The following FPGS variants were observed in gnomAD, a reference collection of about 807,000 sequenced individuals.
FPGS encodes the protein folylpolyglutamate synthase, also known as folylpolyglutamate synthase, mitochondrial.
FPGS carries 53 observed loss-of-function variants against 66.5 expected under a neutral mutation model. That is an observed-to-expected ratio of 0.80 (90% CI 0.64 to 1.00). The LOEUF (loss-of-function observed/expected upper bound fraction) is 1.00, where lower values mean the gene tolerates loss of function less well. Among genes scored for constraint, FPGS ranks in the 50% least tolerant of loss-of-function variants. The probability of loss-of-function intolerance (pLI) is 0.00; values close to 1 mark genes in which losing one functional copy is unlikely to be tolerated. For missense variants in FPGS, 702 were observed against 807.7 expected (o/e 0.87, Z 1.59); for synonymous variants, 348 against 350.9 (o/e 0.99, Z 0.09).
At chr9:127,805,232 T>A (rs371732450) in intron 4 of FPGS, among the ~76,000 whole-genome samples, 26 of 152,114 alleles carry the variant, frequency 1.7e-4, no homozygotes, top group African/African-American at 5.8e-4. Flanking sequence ...GGGCAGCAAC[T>A]TTAATGTATA....
Position 127,807,711 on chromosome 9 carries a change from G to A in FPGS, c.744+23G>A. 1 of 1,497,560 alleles carries A rather than the reference G, an allele frequency of 6.7e-7. No individual in the cohort carries two copies. The highest frequency in any genetic ancestry group is 9.1e-7 in the Non-Finnish European group (1 of 1,100,286). The allele number at this position is 1,497,560 out of a possible 1,614,324, so 92.8% of individuals were successfully genotyped here. A position where few individuals can be genotyped will look rare whatever the true frequency, so the allele number is the denominator to read the frequency against. The stretch of plus-strand genomic sequence containing the variant: ...AAGGTGACCAGGCAGACTGGGGGAA[G>A]GGAGAGACATGGAAGGCCTGGGAGT... On this transcript the variant is annotated intron_variant, in intron 8 of 14. Transcript: ENST00000373247. This position sits in a 1 kb window ranked among gnomAD's most constrained non-coding sequence, Gnocchi z 5.8.
Position 127,810,986 on chromosome 9 carries a change from A to T in FPGS, c.1329A>T (p.Thr443=). The T allele has an allele frequency of 6.3e-7, 1 of 1,590,772 alleles. No homozygotes were observed. Among genetic ancestry groups the T allele is most frequent in the Admixed American group, 1.7e-5 (1 of 58,266 alleles). The change falls in exon 14 of 15, where the codon ACA becomes ACT. Residue 443 remains threonine, a synonymous_variant. Transcript: ENST00000373247. ...FDYAVFCPNL[T]EVSSTGNADQ... ...ATGCCGTCTTCTGCCCTAACCTGACAGAGGTGTCATCCACAGGCAACGCAG... is the reference window on the plus strand; with the variant it reads ...ATGCCGTCTTCTGCCCTAACCTGACTGAGGTGTCATCCACAGGCAACGCAG...
rs551865242 is a variant in FPGS at position 127,811,134 on chromosome 9, G to A, written c.1354+123G>A. 1.1e-5 allele frequency: 6 copies of A among 522,880 alleles called. No individual in the cohort carries two copies. In the Admixed American group the frequency reaches 1.3e-4, roughly 11 times the overall value. 32.4% of individuals were successfully genotyped at this position (522,880 alleles called of 1,614,324 possible). On this transcript the variant is annotated intron_variant, in intron 14 of 14. Transcript: ENST00000373247. ...TGTTTTACTGTGTAAGAACACTTTA[G>A]TGTACTTATACTCTTTTATACACCA... is the stretch of plus-strand genomic sequence containing the variant.
chr9:127,811,556 G>T (rs906154351), intron 14 of FPGS, among the ~76,000 whole-genome samples: 1 of 152,112 alleles, frequency 6.6e-6, no homozygotes, highest in Non-Finnish European at 1.5e-5. Flanking sequence ...CACAATCTCA[G>T]CTCACTGCAA....
Position 127,807,735 on chromosome 9 carries a change from G to A in FPGS, c.744+47G>A, listed in dbSNP as rs773329644. On this transcript the variant is annotated intron_variant, in intron 8 of 14. Transcript: ENST00000373247. This position sits in a 1 kb window ranked among gnomAD's most constrained non-coding sequence, Gnocchi z 5.8. The stretch of plus-strand genomic sequence containing the variant: ...AGGGAGAGACATGGAAGGCCTGGGA[G>A]TCTACGTTTTCATCCTGGCTTCACT... The A allele has an allele frequency of 1.6e-6, 2 of 1,263,842 alleles. No homozygotes were observed. The highest frequency in any genetic ancestry group is 1.1e-6 in the Non-Finnish European group (1 of 903,076). 78.3% of individuals were successfully genotyped at this position (1,263,842 alleles called of 1,614,324 possible).
In FPGS at chr9:127,813,644, C is replaced by G. The variant is rs917748049; in HGVS notation, c.*40C>G. Reference sequence around the variant, plus strand: ...TGGAGGTGGGAGCTTCCCACACCTGCCTGCGTTCTCCCCATGAACTTACAT... The same window carrying G: ...TGGAGGTGGGAGCTTCCCACACCTGGCTGCGTTCTCCCCATGAACTTACAT... On this transcript the variant is annotated 3_prime_UTR_variant, in exon 15 of 15. Transcript: ENST00000373247. 1.3e-6 allele frequency: 2 copies of G among 1,495,826 alleles called. No individual in the cohort carries two copies. The highest frequency in any genetic ancestry group is 1.4e-5 in the South Asian group (1 of 72,172). The allele number at this position is 1,495,826 out of a possible 1,614,324, so 92.7% of individuals were successfully genotyped here. A position where few individuals can be genotyped will look rare whatever the true frequency, so the allele number is the denominator to read the frequency against.
At chr9:127,804,889 A>C in intron 4 of FPGS, 189 bp downstream of exon 4, 1 of 575,154 alleles carries the variant, frequency 1.7e-6, no homozygotes, top group Non-Finnish European at 3.0e-6. Context: ...GGCAACCTTT[A>C]ATTTTTTTTT....
In FPGS at chr9:127,807,391, T is replaced by C. The variant is rs1829857190; in HGVS notation, c.580-30T>C. ...CATGCGGCCTCTGGGCACCCTCATA[T>C]CCCCTGCCATGCCCTCTGGTCTTTG... On this transcript the variant is annotated intron_variant, in intron 6 of 14. Transcript: ENST00000373247. The surrounding 1 kb of genome is among the most constrained non-coding windows in gnomAD (Gnocchi z 5.8). 6.2e-7 allele frequency: 1 copy of C among 1,613,022 alleles called. No homozygotes were observed. Among genetic ancestry groups the C allele is most frequent in the Non-Finnish European group, 8.5e-7 (1 of 1,179,394 alleles).
rs1317942558 is a variant in FPGS, at chr9:127,809,685, G to A, written c.1062G>A (p.Gly354=). Residue 354 remains glycine, a splice_region_variant and synonymous_variant, in exon 12 of 15, where the codon GGG becomes GGA. Coordinates refer to ENST00000373247, the MANE Select transcript of FPGS (RefSeq NM_004957.6). ...GACTGCCTTGCTGCCCTCCCCCAGG[G>A]CTTCGGAACACGGAGTGGCCGGGCC... ...VFQPTSHMRL[G]LRNTEWPGRT... The A allele has an allele frequency of 6.3e-7, 1 of 1,587,210 alleles. No individual in the cohort carries two copies.
rs995931728 is a variant in FPGS at position 127,811,452 on chromosome 9, A to G, written c.1354+441A>G. Among the ~76,000 whole-genome samples, 6 of 151,814 alleles carry G rather than the reference A, an allele frequency of 4.0e-5. No homozygotes were observed. The East Asian group carries it at 1.2e-3, about 30-fold the overall frequency. The stretch of plus-strand genomic sequence containing the variant: ...AGCCGAGATCGCGCCACTGCACTCT[A>G]GGTCTGGGCGACAGAGCGAGACTGT... On this transcript the variant is annotated intron_variant, in intron 14 of 14. Coordinates refer to ENST00000373247, the MANE Select transcript of FPGS (RefSeq NM_004957.6).
At chr9:127,803,981 G>A (rs982884605) in intron 1 of FPGS, among the ~76,000 whole-genome samples, 2 of 152,238 alleles carry the variant, frequency 1.3e-5, no homozygotes, top group Non-Finnish European at 2.9e-5. Flanking sequence ...TGAGGGCAAA[G>A]GCCCAGGAGT....
At position 127,803,023 on chromosome 9, in the gene FPGS, C is replaced by T; in HGVS notation, c.99C>T (p.Ser33=). The T allele has an allele frequency of 1.4e-6, 2 of 1,460,408 alleles. No homozygotes were observed. Among genetic ancestry groups the T allele is most frequent in the Non-Finnish European group, 1.8e-6 (2 of 1,114,872 alleles). 90.5% of individuals were successfully genotyped at this position (1,460,408 alleles called of 1,614,324 possible). ...TTQVAARRGL[S]AWPVPQEPSM... is the part of the protein sequence containing the mutation. ...AGGTCGCGGCGCGGCGGGGCTTGAG[C>T]GCGTGGCCGGTGCCGCAGGAGCCGA... The change falls in exon 1 of 15, where the codon AGC becomes AGT. Residue 33 remains serine, a synonymous_variant. Coordinates refer to ENST00000373247, the MANE Select transcript of FPGS (RefSeq NM_004957.6).
At chr9:127,808,117 G>A (rs1829894530) in intron 8 of FPGS, 117 bp from the exon 9 acceptor site, 1 of 763,330 alleles carries the variant, frequency 1.3e-6, no homozygotes, top group Non-Finnish European at 2.2e-6. Flanking sequence ...AAAAAGAAAA[G>A]AAAAGAAACA....
Position 127,803,021 on chromosome 9 carries a change from A to G in FPGS, c.97A>G (p.Ser33Gly). 6.8e-7 allele frequency: 1 copy of G among 1,462,090 alleles called. No homozygotes were observed. The highest frequency in any genetic ancestry group is 1.3e-5 in the South Asian group (1 of 75,020). 90.6% of individuals were successfully genotyped at this position (1,462,090 alleles called of 1,614,324 possible). A position where few individuals can be genotyped will look rare whatever the true frequency, so the allele number is the denominator to read the frequency against. The change falls in exon 1 of 15, where the codon AGC becomes GGC. Residue 33 changes from serine (S) to glycine (G), a missense_variant. Ser to Gly is a moderately conservative substitution (Grantham distance 56). Around this residue, in one of 3 missense-constraint regions of FPGS, gnomAD observed 111 missense variants for 95.4 expected, o/e 1.16. Coordinates refer to ENST00000373247, the MANE Select transcript of FPGS (RefSeq NM_004957.6). ...TTQVAARRGL[S>G]AWPVPQEPSM... ...CCAGGTCGCGGCGCGGCGGGGCTTG[A>G]GCGCGTGGCCGGTGCCGCAGGAGCC... is the stretch of plus-strand genomic sequence containing the variant.
rs757514010 is a variant in FPGS, at chr9:127,803,012, C to T, written c.88C>T (p.Arg30Trp). ...CATAACGACCCAGGTCGCGGCGCGG[C>T]GGGGCTTGAGCGCGTGGCCGGTGCC... ...RGITTQVAAR[R>W]GLSAWPVPQE... Residue 30 changes from arginine (R) to tryptophan (W), a missense_variant, in exon 1 of 15, where the codon CGG becomes TGG. Arg to Trp is a moderately radical substitution (Grantham distance 101). Coordinates refer to ENST00000373247, the MANE Select transcript of FPGS (RefSeq NM_004957.6). The T allele has an allele frequency of 4.7e-5, 69 of 1,465,212 alleles. 1 individual carries two copies. In the African/African-American group the frequency reaches 9.6e-4, roughly 20 times the overall value. The allele number at this position is 1,465,212 out of a possible 1,614,324, so 90.8% of individuals were successfully genotyped here.
rs910285317 is a variant in FPGS at position 127,803,263 on chromosome 9, C to A, written c.138+201C>A. The A allele has an allele frequency of 2.4e-6, 3 of 1,248,022 alleles. No individual in the cohort carries two copies. The African/African-American group carries it at 4.7e-5, about 19-fold the overall frequency. The allele number at this position is 1,248,022 out of a possible 1,614,324, so 77.3% of individuals were successfully genotyped here. On this transcript the variant is annotated intron_variant, in intron 1 of 14. Coordinates refer to ENST00000373247, the MANE Select transcript of FPGS (RefSeq NM_004957.6). The stretch of plus-strand genomic sequence containing the variant: ...GCCCGGGCCGCCGGGGCTGGGAATT[C>A]GGAGACTATAGCGTCCCCGCCCCGG...
intron 14 of FPGS, among the ~76,000 whole-genome samples, chr9:127,812,044 G>A (rs1005096218): frequency 7.9e-5 from 12 of 151,938 alleles, no homozygotes; most frequent in African/African-American, 2.2e-4. Flanking sequence ...CAGGAGGATC[G>A]TTTGAGCTCA....
intron 1 of FPGS, 102 bp downstream of exon 1, chr9:127,803,164 G>T (rs1212372819): frequency 7.9e-6 from 10 of 1,258,482 alleles, no homozygotes; most frequent in South Asian, 5.3e-5. Context: ...AGGGTATCGG[G>T]AGCCCTGGAC....
Position 127,804,400 on chromosome 9 carries a change from G to A in FPGS, c.254G>A (p.Arg85Gln), listed in dbSNP as rs753324239. The A allele has an allele frequency of 9.3e-6, 15 of 1,614,078 alleles. No individual in the cohort carries two copies. Among genetic ancestry groups the A allele is most frequent in the African/African-American group, 4.0e-5 (3 of 74,934 alleles). ...QLEAMELYLA[R>Q]SGLQVEDLDR... Reference sequence around the variant, plus strand: ...GAAGCCATGGAACTGTACCTGGCACGGAGTGGGCTGCAGGTAAGGTAGAGA... The same window carrying A: ...GAAGCCATGGAACTGTACCTGGCACAGAGTGGGCTGCAGGTAAGGTAGAGA... The change falls in exon 2 of 15, where the codon CGG becomes CAG. Residue 85 changes from arginine to glutamine, a missense_variant. By Grantham distance (43) the Arg-to-Gln change is conservative. Coordinates refer to ENST00000373247, the MANE Select transcript of FPGS (RefSeq NM_004957.6).
Sources: allele counts gnomAD v4.1 joint callset (sites outside exome capture counted in the v4.1 genomes callset), GRCh38; gene constraint gnomAD v4.1.1; regional missense constraint gnomAD v4.1.1; non-coding constraint Gnocchi (gnomAD v3.1); transcripts MANE v1.5; gene names NCBI Gene and HGNC (gene_info 2026-07-23, HGNC 2026-07-21).